FHIT: variants seen among roughly 807,000 people sequenced by gnomAD.
FHIT encodes the protein bis(5'-adenosyl)-triphosphatase.
In FHIT, 19 loss-of-function variants were observed where a neutral mutation model predicts 17.9. The observed-to-expected ratio is 1.06, with a 90% CI of 0.74 to 1.56. The LOEUF is 1.56. Ranked by LOEUF, FHIT falls within the 40% of genes most tolerant of loss-of-function variation. FHIT has a pLI of 0.00. For synonymous variants in FHIT, 81 were observed against 69.7 expected, an observed-to-expected ratio of 1.16 and a Z score of -0.81; for missense variants, 248 against 189.2, an observed-to-expected ratio of 1.31 and a Z score of -1.82.
chr3:60,566,188 A>G (rs570491981), intron 4 of FHIT, among the ~76,000 whole-genome samples: 78 of 152,140 alleles, frequency 5.1e-4, no homozygotes, highest in Non-Finnish European at 7.5e-4. Flanking sequence ...TAAGTGGTCA[A>G]TTTTGGAATC....
intron 4 of FHIT, among the ~76,000 whole-genome samples, chr3:60,686,814 G>A (rs1006039104): frequency 1.3e-5 from 2 of 152,124 alleles, no homozygotes; most frequent in Admixed American, 1.3e-4. Flanking sequence ...AGGAGTTTCA[G>A]CCACTCTGTG....
At chr3:60,230,543 G>A (rs1704444248) in intron 5 of FHIT, among the ~76,000 whole-genome samples, 1 of 152,066 alleles carries the variant, frequency 6.6e-6, no homozygotes, top group South Asian at 2.1e-4. Flanking sequence ...AACAGATAAT[G>A]AACATGTAAG....
chr3:60,107,107 G>T (rs561624813), intron 5 of FHIT, among the ~76,000 whole-genome samples: 4 of 149,852 alleles, frequency 2.7e-5, no homozygotes, highest in East Asian at 4.0e-4. Context: ...CTAGGAAAAG[G>T]CTCATTTGAT....
intron 2 of FHIT, among the ~76,000 whole-genome samples, chr3:61,055,018 A>G (rs1360402757): frequency 2.0e-5 from 3 of 152,132 alleles, no homozygotes; most frequent in Non-Finnish European, 2.9e-5. Flanking sequence ...AACAGGGCAC[A>G]TTACACGTGC....
intron 4 of FHIT, among the ~76,000 whole-genome samples, chr3:60,554,453 A>G (rs2036676278): frequency 6.6e-6 from 1 of 152,212 alleles, no homozygotes; most frequent in African/African-American, 2.4e-5. Context: ...ATCCACAGAT[A>G]TCACAGATAT....
chr3:60,206,581 G>A (rs1015723079), intron 5 of FHIT, among the ~76,000 whole-genome samples: 14 of 152,172 alleles, frequency 9.2e-5, no homozygotes, highest in Admixed American at 5.9e-4. Flanking sequence ...GCATGAAAGA[G>A]GCAAGGGCTG....
At chr3:60,372,223 C>T (rs1057504) in intron 5 of FHIT, among the ~76,000 whole-genome samples, 104,211 of 152,008 alleles carry the variant, frequency 0.69, 36,356 homozygotes, top group African/African-American at 0.83. Context: ...TTCCTACCTC[C>T]TTCTGTGAGA....
At chr3:60,251,557 T>G (rs1255043111) in intron 5 of FHIT, among the ~76,000 whole-genome samples, 2 of 152,248 alleles carry the variant, frequency 1.3e-5, no homozygotes, top group Non-Finnish European at 2.9e-5. Flanking sequence ...TTAAAAATTG[T>G]ACTTCCAGTG....
Position 60,701,465 on chromosome 3 carries a change from T to C in FHIT, c.-18+120454A>G, listed in dbSNP as rs182202227. On this transcript the variant is annotated intron_variant, in intron 4 of 9. Transcript: ENST00000492590. ...ATCCAAACTTTTAAGAATAATGTGG[T>C]GGATAGGGGGTCGGAAAGGGGGGAG... Among the ~76,000 whole-genome samples, 76 of 151,870 alleles carry C rather than the reference T, an allele frequency of 5.0e-4. No homozygotes were observed. In the East Asian group the frequency reaches 0.012, roughly 23 times the overall value.
Position 59,795,142 on chromosome 3 carries a change from G to A in FHIT, c.349-42821C>T, listed in dbSNP as rs527434283. ...GGCTCATGCCTGTAATCCCAGCACC[G>A]TGGGAGGCTGAGGCATGCGGATTAC... On this transcript the variant is annotated intron_variant, in intron 8 of 9. Transcript: ENST00000492590. 9.2e-5 allele frequency among the ~76,000 whole-genome samples: 14 copies of A among 152,220 alleles called. No homozygotes were observed. The East Asian group carries it at 1.5e-3, about 17-fold the overall frequency.
intron 5 of FHIT, among the ~76,000 whole-genome samples, chr3:60,482,920 TAGAC>T (rs950528345): frequency 1.3e-5 from 2 of 148,740 alleles, no homozygotes; most frequent in Admixed American, 6.7e-5. Context: ...AAATAAAAAA[TAGAC>T]AGCAAGCTAG....
intron 2 of FHIT, among the ~76,000 whole-genome samples, chr3:61,054,328 T>C (rs2034137620): frequency 6.6e-6 from 1 of 151,416 alleles, no homozygotes; most frequent in Admixed American, 6.6e-5. Context: ...GTCAACTCAA[T>C]ATAATTTGTA....
chr3:60,072,624 C>G (rs1266489629), intron 5 of FHIT, among the ~76,000 whole-genome samples: 2 of 152,026 alleles, frequency 1.3e-5, no homozygotes, highest in Admixed American at 6.6e-5. Flanking sequence ...AGACTGAAAC[C>G]TAAAAAAGTC....
At chr3:60,999,888 A>T (rs1471763009) in intron 3 of FHIT, among the ~76,000 whole-genome samples, 1 of 152,076 alleles carries the variant, frequency 6.6e-6, no homozygotes, top group East Asian at 1.9e-4. Flanking sequence ...ATGTCTGGTG[A>T]GGGCCCACTT....
intron 4 of FHIT, among the ~76,000 whole-genome samples, chr3:60,716,076 T>G (rs1265413987): frequency 6.6e-6 from 1 of 152,010 alleles, no homozygotes; most frequent in South Asian, 2.1e-4. Flanking sequence ...ACCCTGTCTT[T>G]ACTAAAAATA....
Position 60,308,177 on chromosome 3 carries a change from C to T in FHIT, c.103+228683G>A, listed in dbSNP as rs187059384. Among the ~76,000 whole-genome samples, 120 of 152,246 alleles carry T rather than the reference C, an allele frequency of 7.9e-4. 1 individual carries two copies. Among genetic ancestry groups the T allele is most frequent in the African/African-American group, 2.8e-3 (118 of 41,556 alleles). On this transcript the variant is annotated intron_variant, in intron 5 of 9. Coordinates refer to ENST00000492590, the MANE Select transcript of FHIT (RefSeq NM_002012.4). The stretch of plus-strand genomic sequence containing the variant: ...GTCAGACTTCAGTCAGTCTCAGCTC[C>T]ACCTTTACTATAACCTTGGCCAAGT...
At chr3:60,165,867 TG>T (rs1559691792) in intron 5 of FHIT, among the ~76,000 whole-genome samples, 1 of 152,144 alleles carries the variant, frequency 6.6e-6, no homozygotes, top group African/African-American at 2.4e-5. Context: ...GGGCTGTGTG[TG>T]TATATTTACG....
At chr3:59,995,177 A>T (rs1392105770) in intron 7 of FHIT, among the ~76,000 whole-genome samples, 4 of 152,084 alleles carry the variant, frequency 2.6e-5, no homozygotes, top group Admixed American at 2.6e-4. Flanking sequence ...CGGAAATTAC[A>T]AAGAAAATCT....
intron 8 of FHIT, among the ~76,000 whole-genome samples, chr3:59,845,187 T>C (rs1701675274): frequency 6.6e-6 from 1 of 152,104 alleles, no homozygotes. Context: ...TTTTTCTTAG[T>C]CTAGCTAAAA....
Sources: gnomAD v4.1 joint callset for allele counts (sites outside exome capture counted in the v4.1 genomes callset) on GRCh38, gnomAD v4.1.1 for gene constraint, MANE v1.5 for transcripts, NCBI Gene and HGNC (gene_info 2026-07-23, HGNC 2026-07-21) for gene names.